STPG2: variants seen among roughly 807,000 people sequenced by gnomAD.
The protein encoded by STPG2 is sperm tail PG-rich repeat containing 2.
In STPG2, 56 loss-of-function variants were observed where a neutral mutation model predicts 54.2. The observed-to-expected ratio is 1.03, with a 90% confidence interval of 0.83 to 1.29. The LOEUF (loss-of-function observed/expected upper bound fraction) is 1.29, where lower values mean the gene tolerates loss of function less well. Ranked by LOEUF, STPG2 falls within the 50% of genes most tolerant of loss-of-function variation. STPG2 has a pLI of 0.00. For missense variants in STPG2, 596 were observed against 544.9 expected, an observed-to-expected ratio of 1.09 and a Z score of -0.93; for synonymous variants, 200 against 181.8, an observed-to-expected ratio of 1.10 and a Z score of -0.81.
At chr4:97,646,315 T>C (rs1419031415) in intron 10 of STPG2, among the ~76,000 whole-genome samples, 5 of 152,170 alleles carry the variant, frequency 3.3e-5, no homozygotes, top group Admixed American at 3.3e-4. Flanking sequence ...TGTATATCAA[T>C]GTAGTTGCAT....
At chr4:97,473,500 A>AC (rs1729995041) in intron 4 of STPG2, among the ~76,000 whole-genome samples, 1 of 152,076 alleles carries the variant, frequency 6.6e-6, no homozygotes, top group African/African-American at 2.4e-5. Context: ...TTTTGGTCAG[A>AC]CCGGTTGCTC....
chr4:97,915,780 T>C (rs760848494), intron 8 of STPG2, among the ~76,000 whole-genome samples: 1 of 152,168 alleles, frequency 6.6e-6, no homozygotes, highest in Non-Finnish European at 1.5e-5. Flanking sequence ...AATGAAATGC[T>C]AGCTCAAGGA....
intron 4 of STPG2, among the ~76,000 whole-genome samples, chr4:97,514,360 C>G (rs1447216146): frequency 2.0e-5 from 3 of 151,878 alleles, no homozygotes; most frequent in Non-Finnish European, 4.4e-5. Context: ...GTGTGAGAAC[C>G]TGGAGGGGGA....
chr4:97,691,500 C>T (rs1723364328), intron 10 of STPG2, among the ~76,000 whole-genome samples: 1 of 152,098 alleles, frequency 6.6e-6, no homozygotes, highest in African/African-American at 2.4e-5. Flanking sequence ...CACAACTCCA[C>T]TTCTCACAGC....
In STPG2 at chr4:97,840,799, C is replaced by G; in HGVS notation, c.1178G>C (p.Cys393Ser). Reference protein sequence around the residue: ...HASFLSATPRCLEKVTDGPGP... With the variant: ...HASFLSATPRSLEKVTDGPGP... ...TGGCCCATCAGTCACTTTTTCTAGG[C>G]ACCGAGGAGTTGCACTAAGAAAAGA... The change falls in exon 9 of 11, where the codon TGC becomes TCC. Residue 393 changes from cysteine (C) to serine (S), a missense_variant. Coordinates refer to ENST00000295268, the MANE Select transcript of STPG2 (RefSeq NM_174952.3). The G allele has an allele frequency of 6.2e-7, 1 of 1,611,564 alleles. No individual in the cohort carries two copies. Among genetic ancestry groups the G allele is most frequent in the Non-Finnish European group, 8.5e-7 (1 of 1,178,294 alleles).
At chr4:97,592,970 C>G (rs1040890027) in intron 10 of STPG2, among the ~76,000 whole-genome samples, 2 of 152,154 alleles carry the variant, frequency 1.3e-5, no homozygotes, top group African/African-American at 2.4e-5. Flanking sequence ...CAAGGCACAT[C>G]ATGCTCCTCT....
At chr4:97,472,756 A>G (rs1031562117) in intron 4 of STPG2, among the ~76,000 whole-genome samples, 1 of 152,164 alleles carries the variant, frequency 6.6e-6, no homozygotes, top group Non-Finnish European at 1.5e-5. Context: ...GAAAGGCTAC[A>G]TGTGATTCAT....
chr4:97,527,521 G>C lies in STPG2; in HGVS notation c.462+185178C>G, dbSNP rs184055205. 4.2e-3 allele frequency among the ~76,000 whole-genome samples: 633 copies of C among 152,194 alleles called. 3 individuals are homozygous for C. The highest frequency in any genetic ancestry group is 0.02 in the South Asian group (97 of 4,818). Reference sequence around the variant, plus strand: ...CCTTTGATTATATACCCAGTAATGGGATTGCTGGGTCAAATGGTATTTCTG... The same window carrying C: ...CCTTTGATTATATACCCAGTAATGGCATTGCTGGGTCAAATGGTATTTCTG... On this transcript the variant is annotated intron_variant, in intron 4 of 4. Transcript: ENST00000522676.
intron 5 of STPG2, among the ~76,000 whole-genome samples, chr4:98,022,307 G>A (rs1336767761): frequency 1.2e-4 from 18 of 151,434 alleles, no homozygotes; most frequent in African/African-American, 4.3e-4. Context: ...GAAATTCTGG[G>A]TTGAAAATTC....
chr4:97,920,165 C>A (rs1732041930), intron 8 of STPG2, among the ~76,000 whole-genome samples: 1 of 152,192 alleles, frequency 6.6e-6, no homozygotes. Flanking sequence ...GAATTTAAAA[C>A]AGGCTTTGTA....
intron 6 of STPG2, among the ~76,000 whole-genome samples, chr4:97,976,959 C>G (rs1031998904): frequency 2.0e-5 from 3 of 152,126 alleles, no homozygotes; most frequent in Admixed American, 1.3e-4. Context: ...ATAAGCAACT[C>G]AAAATCAAAG....
At chr4:97,445,746 A>G (rs1490165360) in intron 4 of STPG2, among the ~76,000 whole-genome samples, 1 of 152,192 alleles carries the variant, frequency 6.6e-6, no homozygotes, top group African/African-American at 2.4e-5. Context: ...TACTACTCTA[A>G]TAAGCAGGTT....
At position 97,628,066 on chromosome 4, in the gene STPG2, AT is replaced by A. The variant is rs113386471; in HGVS notation, c.1321-68950del. The stretch of plus-strand genomic sequence containing the variant: ...AATGCTAATCTCAGCCAGAAACACT[AT>A]TATAGACACATCAGAAATAATGTTT... On this transcript the variant is annotated intron_variant, in intron 10 of 10. Coordinates refer to ENST00000295268, the MANE Select transcript of STPG2 (RefSeq NM_174952.3). Among the ~76,000 whole-genome samples, 1,325 of 152,284 alleles carry A rather than the reference AT, an allele frequency of 8.7e-3. 12 individuals carry two copies. The highest frequency in any genetic ancestry group is 0.03 in the African/African-American group (1,237 of 41,554).
At chr4:97,456,891 C>CAAAAAAAAAAAAAAAAA (rs57563048) in intron 4 of STPG2, among the ~76,000 whole-genome samples, 14 of 48,840 alleles carry the variant, frequency 2.9e-4, no homozygotes, top group African/African-American at 1.3e-3. Flanking sequence ...TGCTCCGTCT[C>CAAAAAAAAAAAAAAAAA]AAAAAAAAAA....
At chr4:97,478,666 A>C (rs1278362595) in intron 4 of STPG2, among the ~76,000 whole-genome samples, 1 of 152,056 alleles carries the variant, frequency 6.6e-6, no homozygotes, top group African/African-American at 2.4e-5. Flanking sequence ...AATTAACTCT[A>C]TGATAAGTTT....
At chr4:97,538,329 T>C (rs1250028271) in intron 4 of STPG2, among the ~76,000 whole-genome samples, 1 of 152,130 alleles carries the variant, frequency 6.6e-6, no homozygotes, top group Non-Finnish European at 1.5e-5. Flanking sequence ...GAACAACCGA[T>C]GCAGAGAACT....
chr4:97,630,456 T>C (rs1721238037), intron 10 of STPG2, among the ~76,000 whole-genome samples: 1 of 151,896 alleles, frequency 6.6e-6, no homozygotes, highest in Non-Finnish European at 1.5e-5. Context: ...TAAAGTATTC[T>C]GAAAACTGAC....
intron 5 of STPG2, among the ~76,000 whole-genome samples, chr4:98,016,563 T>C (rs529702380): frequency 1.3e-5 from 2 of 152,194 alleles, no homozygotes; most frequent in Non-Finnish European, 2.9e-5. Flanking sequence ...GTGGAATTTT[T>C]TAGTTCAGTC....
At chr4:97,662,138 A>G (rs1253218895) in intron 10 of STPG2, among the ~76,000 whole-genome samples, 1 of 152,182 alleles carries the variant, frequency 6.6e-6, no homozygotes, top group Non-Finnish European at 1.5e-5. Flanking sequence ...GCATCTGTCA[A>G]GGTCTAATAT....
Sources: allele counts gnomAD v4.1 joint callset (sites outside exome capture counted in the v4.1 genomes callset), GRCh38; gene constraint gnomAD v4.1.1; transcripts MANE v1.5; gene names NCBI Gene and HGNC (gene_info 2026-07-23, HGNC 2026-07-21).